KNTC1: variants seen among roughly 807,000 people sequenced by gnomAD.
KNTC1 encodes the protein kinetochore associated 1, also known as kinetochore-associated protein 1.
Under a neutral mutation model 314.4 loss-of-function variants are expected in KNTC1, and 253 were observed. The observed-to-expected ratio is 0.80, with a 90% CI of 0.73 to 0.89. The LOEUF (loss-of-function observed/expected upper bound fraction) is 0.89. KNTC1 is among the 40% of genes least tolerant of loss of function. The probability of loss-of-function intolerance (pLI) is 0.00; values close to 1 mark genes in which losing one functional copy is unlikely to be tolerated. For missense variants in KNTC1, 2,475 were observed against 2,572.9 expected, an observed-to-expected ratio of 0.96 and a Z score of 0.82; for synonymous variants, 901 against 901.4, an observed-to-expected ratio of 1.00 and a Z score of 0.01.
chr12:122,588,641 T>C, intron 39 of KNTC1, 71 bp from the exon 40 acceptor site: 1 of 1,122,700 alleles, frequency 8.9e-7, no homozygotes, highest in East Asian at 3.0e-5. Context: ...CAAAGTTCCT[T>C]AATATTTGAA....
At chr12:122,587,569 A>C (rs1268703088) in intron 38 of KNTC1, 142 bp from the exon 39 acceptor site, 3 of 547,760 alleles carry the variant, frequency 5.5e-6, no homozygotes, top group Non-Finnish European at 9.0e-6. Flanking sequence ...CCTCATGTTA[A>C]CTTCTCATTA....
At chr12:122,562,613 G>T in intron 19 of KNTC1, 25 bp from the exon 20 acceptor site, 1 of 1,376,988 alleles carries the variant, frequency 7.3e-7, no homozygotes, top group Non-Finnish European at 1.0e-6. Flanking sequence ...TATAAATTCA[G>T]ATTATTAAAT....
intron 44 of KNTC1, among the ~76,000 whole-genome samples, chr12:122,599,879 C>T (rs1237697161): frequency 6.6e-6 from 1 of 151,918 alleles, no homozygotes; most frequent in Non-Finnish European, 1.5e-5. Context: ...TTAGTTAGGC[C>T]TAGTAGTACG....
At chr12:122,588,384 A>C (rs1412759097) in intron 39 of KNTC1, among the ~76,000 whole-genome samples, 1 of 152,200 alleles carries the variant, frequency 6.6e-6, no homozygotes, top group Non-Finnish European at 1.5e-5. Flanking sequence ...CTTCATTTCT[A>C]CTACTCTGTT....
rs767299452 is a variant in KNTC1, at chr12:122,621,959, T to C, written c.6358T>C (p.Phe2120Leu). The C allele has an allele frequency of 6.9e-6, 11 of 1,605,192 alleles. No homozygotes were observed. The highest frequency in any genetic ancestry group is 9.4e-6 in the Non-Finnish European group (11 of 1,174,968). The change falls in exon 61 of 64, where the codon TTT (phenylalanine) becomes CTT (leucine). Residue 2120 changes from phenylalanine (F) to leucine (L), a missense_variant. Physicochemically the swap from Phe to Leu is conservative, Grantham distance 22. Coordinates refer to ENST00000333479, the MANE Select transcript of KNTC1 (RefSeq NM_014708.6). The part of the protein sequence containing the change: ...EHMNTGQLAG[F>L]SHQIRSLILN... ...TATGAACACGGGCCAGCTAGCAGGATTTTCACATCAAGTAAGAGGCGATTT... is the reference window on the plus strand; with the variant it reads ...TATGAACACGGGCCAGCTAGCAGGACTTTCACATCAAGTAAGAGGCGATTT...
At position 122,588,790 on chromosome 12, in the gene KNTC1, GA is replaced by G. The variant is rs1448707343; in HGVS notation, c.3977del (p.Asn1326MetfsTer15). ...LKEKAVIFIR[E>X]NATTLLHKVF... ...AGAAAAAGCTGTTATATTTATCAGG[GA>G]AAATGCTACAACACTACTGCACAAA... On this transcript the variant is annotated frameshift_variant, in exon 40 of 64. Coordinates refer to ENST00000333479, the MANE Select transcript of KNTC1 (RefSeq NM_014708.6). The G allele has an allele frequency of 3.2e-6, 5 of 1,560,860 alleles. No homozygotes were observed. The highest frequency in any genetic ancestry group is 1.9e-5 in the Admixed American group (1 of 51,676).
chr12:122,568,323 TA>T lies in KNTC1; in HGVS notation c.1671del (p.Glu558LysfsTer24). On this transcript the variant is annotated frameshift_variant, in exon 21 of 64. Transcript: ENST00000333479. LOFTEE classifies it high-confidence loss of function. ...EDDLKDIFLQ[L>X]KEGNLVCAQY... is the part of the protein sequence containing the mutation. Reference sequence around the variant, plus strand: ...GATCTTAAAGATATTTTTTTACAGCTAAAAGAAGGAAACCTTGTTTGTGCAC... The same window carrying T: ...GATCTTAAAGATATTTTTTTACAGCTAAAGAAGGAAACCTTGTTTGTGCAC... The T allele has an allele frequency of 6.2e-7, 1 of 1,602,264 alleles. No homozygotes were observed. Among genetic ancestry groups the T allele is most frequent in the Non-Finnish European group, 8.5e-7 (1 of 1,170,294 alleles).
intron 57 of KNTC1, 144 bp downstream of exon 57, chr12:122,615,670 C>G: frequency 1.3e-6 from 1 of 767,306 alleles, no homozygotes; most frequent in Non-Finnish European, 1.9e-6. Flanking sequence ...TCCTGTAACC[C>G]CAACGCTTTG....
At chr12:122,570,721 C>G (rs975352360) in intron 22 of KNTC1, among the ~76,000 whole-genome samples, 155 bp from the exon 23 acceptor site, 22 of 152,034 alleles carry the variant, frequency 1.4e-4, no homozygotes, top group Admixed American at 4.6e-4. Context: ...GTATGTACAC[C>G]TACTACGTGC....
chr12:122,569,741 G>A lies in KNTC1; in HGVS notation c.1777G>A (p.Ala593Thr). Residue 593 changes from alanine (A) to threonine (T), a missense_variant, in exon 22 of 64, where the codon GCA (alanine) becomes ACA (threonine). By Grantham distance (58) the Ala-to-Thr change is moderately conservative. Coordinates refer to ENST00000333479, the MANE Select transcript of KNTC1 (RefSeq NM_014708.6). ...MLESLLNSMS[A>T]SVSLQKLCPW... Reference sequence around the variant, plus strand: ...GGAGAGCTTGCTCAACTCAATGTCTGCATCAGTCTCTTTGCAAAAGCTGTG... The same window carrying A: ...GGAGAGCTTGCTCAACTCAATGTCTACATCAGTCTCTTTGCAAAAGCTGTG... The A allele has an allele frequency of 6.2e-7, 1 of 1,613,606 alleles. No homozygotes were observed. The highest frequency in any genetic ancestry group is 8.5e-7 in the Non-Finnish European group (1 of 1,179,586).
chr12:122,615,666 A>G (rs1873688809), intron 57 of KNTC1, 140 bp downstream of exon 57: 1 of 785,868 alleles, frequency 1.3e-6, no homozygotes, highest in East Asian at 3.1e-5. Flanking sequence ...TCACTCCTGT[A>G]ACCCCAACGC....
At chr12:122,610,588 A>G (rs1321111195) in intron 52 of KNTC1, among the ~76,000 whole-genome samples, 1 of 152,232 alleles carries the variant, frequency 6.6e-6, no homozygotes, top group Admixed American at 6.5e-5. Flanking sequence ...TCTATAGATG[A>G]GGAGGCTGAA....
chr12:122,550,980 A>G (rs998013289), intron 13 of KNTC1, among the ~76,000 whole-genome samples: 3 of 152,204 alleles, frequency 2.0e-5, no homozygotes, highest in African/African-American at 7.2e-5. Flanking sequence ...TAAGAGGCTC[A>G]TGGTATCCAT....
At position 122,547,903 on chromosome 12, in the gene KNTC1, TTTCTC is replaced by T. The variant is rs747384183; in HGVS notation, c.933-9_933-5del. 4 of 1,474,300 alleles carry T rather than the reference TTTCTC, an allele frequency of 2.7e-6. No individual in the cohort carries two copies. The highest frequency in any genetic ancestry group is 2.4e-5 in the East Asian group (1 of 42,220). The allele number at this position is 1,474,300 out of a possible 1,614,324, so 91.3% of individuals were successfully genotyped here. A position where few individuals can be genotyped will look rare whatever the true frequency, so the allele number is the denominator to read the frequency against. Reference sequence around the variant, plus strand: ...TTTACTTGAATTATTTAAAGGTTCTTTTCTCTTTTAGGCAAGGAATTACAAATCTC... The same window carrying T: ...TTTACTTGAATTATTTAAAGGTTCTTTTTTAGGCAAGGAATTACAAATCTC... On this transcript the variant is annotated splice_polypyrimidine_tract_variant and splice_region_variant and intron_variant, in intron 11 of 63. Transcript: ENST00000333479.
Position 122,615,005 on chromosome 12 carries a change from G to A in KNTC1, c.5892G>A (p.Val1964=), listed in dbSNP as rs988795235. Residue 1964 remains valine (V), a synonymous_variant, in exon 56 of 64, where the codon GTG becomes GTA. Coordinates refer to ENST00000333479, the MANE Select transcript of KNTC1 (RefSeq NM_014708.6). ...HSHESMAVRL[V]TELCLEYKIY... ...TTTGGCTTCAGGCAGTAAGATTGGT[G>A]ACTGAGCTGTGTTTAGAATACAAAA... is the stretch of plus-strand genomic sequence containing the variant. 1 of 1,612,854 alleles carries A rather than the reference G, an allele frequency of 6.2e-7. No homozygotes were observed. The highest frequency in any genetic ancestry group is 8.5e-7 in the Non-Finnish European group (1 of 1,179,456).
chr12:122,592,163 C>G (rs541880998), intron 42 of KNTC1, among the ~76,000 whole-genome samples: 6 of 152,360 alleles, frequency 3.9e-5, no homozygotes, highest in Non-Finnish European at 5.9e-5. Flanking sequence ...GGGCTTAGCA[C>G]CCGGGCCAGC....
intron 2 of KNTC1, among the ~76,000 whole-genome samples, chr12:122,530,680 G>T (rs1961241758): frequency 6.6e-6 from 1 of 151,856 alleles, no homozygotes; most frequent in Admixed American, 6.6e-5. Context: ...TGAACTCCTG[G>T]CCTCAAGAAA....
chr12:122,580,735 A>T (rs1228075049), intron 33 of KNTC1, 65 bp downstream of exon 33: 2 of 1,118,100 alleles, frequency 1.8e-6, no homozygotes, highest in East Asian at 2.7e-5. Flanking sequence ...CCCTCCTTAA[A>T]GTTTTCTGTA....
At chr12:122,585,813 G>C in intron 37 of KNTC1, 39 bp downstream of exon 37, 1 of 1,600,606 alleles carries the variant, frequency 6.2e-7, no homozygotes, top group African/African-American at 1.3e-5. Context: ...ATGTGTTTCT[G>C]TCTTATGTAA....
Sources: allele counts gnomAD v4.1 joint callset (sites outside exome capture counted in the v4.1 genomes callset), GRCh38; gene constraint gnomAD v4.1.1; transcripts MANE v1.5; gene names NCBI Gene and HGNC (gene_info 2026-07-23, HGNC 2026-07-21).